The following ZNF490 variants were observed in gnomAD, a reference collection of about 807,000 sequenced individuals.
ZNF490 encodes zinc finger protein 490.
A neutral mutation model predicts 17.7 loss-of-function variants in ZNF490; 11 were observed. That is an observed-to-expected ratio of 0.62 (90% confidence interval 0.39 to 1.03). The LOEUF is 1.03. ZNF490 is among the 50% of genes least tolerant of loss of function. The pLI is 0.00. For synonymous variants in ZNF490, 222 were observed against 216.1 expected (o/e 1.03, Z -0.24); for missense variants, 542 against 643.4 (o/e 0.84, Z 1.71).
intron 2 of ZNF490, among the ~76,000 whole-genome samples, chr19:12,591,668 T>A (rs565146328): frequency 1.3e-5 from 2 of 151,772 alleles, no homozygotes; most frequent in African/African-American, 4.8e-5. Context: ...AAAAAAAAAC[T>A]AAGATAAATA....
intron 2 of ZNF490, among the ~76,000 whole-genome samples, chr19:12,595,188 CTGGAGT>C (rs1245538413): frequency 1.1e-4 from 16 of 152,134 alleles, no homozygotes; most frequent in African/African-American, 3.4e-4. Flanking sequence ...GTTGTCCCTG[CTGGAGT>C]GCAAGGGTGT....
chr19:12,602,077 TATAC>T lies in ZNF490; in HGVS notation c.162+7077_162+7080del, dbSNP rs1485931047. On this transcript the variant is annotated intron_variant, in intron 2 of 4. Transcript: ENST00000311437. ...ACCGTTTTTGAAACTCAGTTCACTA[TATAC>T]ACACACACACACACACACACACACA... Among the ~76,000 whole-genome samples the T allele has an allele frequency of 8.5e-5, 5 of 59,100 alleles. No individual in the cohort carries two copies. The South Asian group carries it at 2.2e-3, about 27-fold the overall frequency. 38.8% of individuals were successfully genotyped at this position (59,100 alleles called of 152,430 possible).
intron 2 of ZNF490, among the ~76,000 whole-genome samples, chr19:12,603,766 C>T (rs1599313563): frequency 7.0e-6 from 1 of 143,780 alleles, no homozygotes; most frequent in East Asian, 2.0e-4. Flanking sequence ...CACTGGGTGA[C>T]AGAGTGAAGG....
rs1278461076 is a variant in ZNF490, at chr19:12,610,615, C to T, written c.66G>A (p.Lys22=). 1 of 1,614,058 alleles carries T rather than the reference C, an allele frequency of 6.2e-7. No homozygotes were observed. Among genetic ancestry groups the T allele is most frequent in the East Asian group, 2.2e-5 (1 of 44,882 alleles). The change falls in exon 1 of 5, where the codon AAG becomes AAA. Residue 22 remains lysine, a synonymous_variant. Transcript: ENST00000311437. ...CTGTGCGGCCTTGACTAGACGACCA[C>T]TTGCTCTGGACTTGCTCCTCGAGGG... ...ERPLEEQVQS[K]WSSSQGRTGT...
At chr19:12,585,609 G>A (rs2022801489) in intron 2 of ZNF490, among the ~76,000 whole-genome samples, 1 of 92,930 alleles carries the variant, frequency 1.1e-5, no homozygotes, top group South Asian at 2.9e-4. Flanking sequence ...CATGGCTCGG[G>A]GCACAGGCTC....
chr19:12,598,670 C>G, intron 2 of ZNF490, among the ~76,000 whole-genome samples: 1 of 151,264 alleles, frequency 6.6e-6, no homozygotes, highest in Admixed American at 6.6e-5. Flanking sequence ...AACCACCATG[C>G]CCGTCAATAA....
At chr19:12,592,639 A>T (rs2022886536) in intron 2 of ZNF490, among the ~76,000 whole-genome samples, 1 of 152,178 alleles carries the variant, frequency 6.6e-6, no homozygotes. Flanking sequence ...TGCAGCTATG[A>T]TGAATAGCAG....
At chr19:12,600,775 A>T (rs2022992789) in intron 2 of ZNF490, among the ~76,000 whole-genome samples, 1 of 152,164 alleles carries the variant, frequency 6.6e-6, no homozygotes, top group Non-Finnish European at 1.5e-5. Flanking sequence ...TCTTGAATGC[A>T]AGTTTTAGAT....
rs189656453 is a variant in ZNF490 at position 12,598,998 on chromosome 19, A to G, written c.162+10160T>C. Among the ~76,000 whole-genome samples the G allele has an allele frequency of 2.0e-3, 305 of 150,932 alleles. 2 individuals are homozygous for G. Among genetic ancestry groups the G allele is most frequent in the African/African-American group, 6.3e-3 (261 of 41,210 alleles). ...CGAGACTCCATCTCAAAAAAAAAAA[A>G]AAATTAGCTGGGTGTGGTGGCGGGG... On this transcript the variant is annotated intron_variant, in intron 2 of 4. Coordinates refer to ENST00000311437, the MANE Select transcript of ZNF490 (RefSeq NM_020714.3).
chr19:12,608,401 G>A (rs570841421), intron 2 of ZNF490, among the ~76,000 whole-genome samples: 6 of 152,120 alleles, frequency 3.9e-5, no homozygotes, highest in African/African-American at 1.2e-4. Context: ...TCAGCCTCCC[G>A]AGGACCTGGG....
rs879631072 is a variant in ZNF490 at position 12,576,940 on chromosome 19, G to A, written c.*3545C>T. 3.3e-5 allele frequency among the ~76,000 whole-genome samples: 5 copies of A among 151,530 alleles called. No homozygotes were observed. Among genetic ancestry groups the A allele is most frequent in the Non-Finnish European group, 7.4e-5 (5 of 67,952 alleles). On this transcript the variant is annotated 3_prime_UTR_variant, in exon 5 of 5. Coordinates refer to ENST00000311437, the MANE Select transcript of ZNF490 (RefSeq NM_020714.3). ...CACGTTATCACTGTACATACAGGTG[G>A]ACAGACACAAATTCACAAACCCACA...
chr19:12,609,306 C>T lies in ZNF490; in HGVS notation c.118-104G>A, dbSNP rs74791856. On this transcript the variant is annotated intron_variant, in intron 1 of 4. Coordinates refer to ENST00000311437, the MANE Select transcript of ZNF490 (RefSeq NM_020714.3). ...ATTGTTCCCCCTGCATCTACCTGTA[C>T]ACACAGAGCTACCAGAAGGGTGGAT... The T allele has an allele frequency of 3.5e-3, 3,178 of 913,174 alleles. 67 individuals carry two copies. In the African/African-American group the frequency reaches 0.047, roughly 13 times the overall value. The allele number at this position is 913,174 out of a possible 1,614,324, so 56.6% of individuals were successfully genotyped here.
chr19:12,610,374 G>A (rs1380621164), intron 1 of ZNF490, among the ~76,000 whole-genome samples, 190 bp downstream of exon 1: 1 of 145,830 alleles, frequency 6.9e-6, no homozygotes, highest in Non-Finnish European at 1.5e-5. Context: ...GCCCTGCCTT[G>A]GGGTTCCTTT....
rs1395464819 is a variant in ZNF490, at chr19:12,581,470, G to A, written c.605C>T (p.Thr202Ile). 1.9e-6 allele frequency: 3 copies of A among 1,614,176 alleles called. No homozygotes were observed. Among genetic ancestry groups the A allele is most frequent in the Non-Finnish European group, 2.5e-6 (3 of 1,180,034 alleles). The change falls in exon 5 of 5, where the codon ACC becomes ATC. Residue 202 changes from threonine (T) to isoleucine (I), a missense_variant. Thr to Ile is a moderately conservative substitution (Grantham distance 89). Transcript: ENST00000311437. ...TCGAATACTGGAGCTGCGAGTGAAG[G>A]TTTTCCCACATTCTTTGCATTTATG... is the stretch of plus-strand genomic sequence containing the variant. ...KPHKCKECGK[T>I]FTRSSSIRTH...
Position 12,582,910 on chromosome 19 carries a change from C to T in ZNF490, c.290G>A (p.Gly97Glu). The T allele has an allele frequency of 6.2e-7, 1 of 1,610,702 alleles. No homozygotes were observed. Among genetic ancestry groups the T allele is most frequent in the Non-Finnish European group, 8.5e-7 (1 of 1,178,384 alleles). ...RATFKNLACI[G>E]EKWKDQDIED... ...AATATCCTGGTCTTTCCATTTTTCC[C>T]CTAAAATACAAGCCCAGAGAACTCA... The change falls in exon 4 of 5, where the codon GGG (glycine) becomes GAG (glutamate). Residue 97 changes from glycine (G) to glutamate (E), a missense_variant and splice_region_variant. Physicochemically the swap from Gly to Glu is moderately conservative, Grantham distance 98. Coordinates refer to ENST00000311437, the MANE Select transcript of ZNF490 (RefSeq NM_020714.3).
At chr19:12,594,152 G>A (rs1219676650) in intron 2 of ZNF490, among the ~76,000 whole-genome samples, 2 of 152,124 alleles carry the variant, frequency 1.3e-5, no homozygotes, top group Admixed American at 1.3e-4. Context: ...ATTACAAGAG[G>A]CATGAGAGGA....
chr19:12,598,545 TG>T (rs1219094726), intron 2 of ZNF490, among the ~76,000 whole-genome samples: 1 of 151,482 alleles, frequency 6.6e-6, no homozygotes, highest in Admixed American at 6.6e-5. Flanking sequence ...CGGCTAATTT[TG>T]TATTTTTAGT....
chr19:12,602,123 CACACATAT>C (rs1396837107), intron 2 of ZNF490, among the ~76,000 whole-genome samples: 5 of 148,234 alleles, frequency 3.4e-5, no homozygotes, highest in Admixed American at 2.7e-4. Context: ...CACACACACA[CACACATAT>C]ATGGGCCTAT....
chr19:12,578,793 T>A lies in ZNF490; in HGVS notation c.*1692A>T, dbSNP rs1177055140. The A allele has an allele frequency of 1.0e-6, 1 of 985,356 alleles. No homozygotes were observed. Among genetic ancestry groups the A allele is most frequent in the Admixed American group, 6.1e-5 (1 of 16,264 alleles). The allele number at this position is 985,356 out of a possible 1,614,324, so 61.0% of individuals were successfully genotyped here. ...GCCCTAGAGGGTGTTTCCTAACTTCTGACTGGATGCCACAAAAGGCCTGCT... is the reference window on the plus strand; with the variant it reads ...GCCCTAGAGGGTGTTTCCTAACTTCAGACTGGATGCCACAAAAGGCCTGCT... On this transcript the variant is annotated 3_prime_UTR_variant, in exon 5 of 5. Transcript: ENST00000311437.
Sources: gnomAD v4.1 joint callset for allele counts (sites outside exome capture counted in the v4.1 genomes callset) on GRCh38, gnomAD v4.1.1 for gene constraint, MANE v1.5 for transcripts, NCBI Gene and HGNC (gene_info 2026-07-23, HGNC 2026-07-21) for gene names.